ERMP1: variants seen among roughly 807,000 people sequenced by gnomAD.
ERMP1 encodes the protein Felix-ina.
In ERMP1, 86 loss-of-function variants were observed where a neutral mutation model predicts 92.0. The ratio of observed to expected loss-of-function variants is 0.93; its 90% CI spans 0.79 to 1.12. The LOEUF (loss-of-function observed/expected upper bound fraction) is 1.12. Ranked by LOEUF, ERMP1 falls within the 50% of genes most tolerant of loss-of-function variation. ERMP1 has a pLI of 0.00. For missense variants in ERMP1, 1,342 were observed against 1,116.3 expected (o/e 1.20, Z -2.88); for synonymous variants, 530 against 412.8 (o/e 1.28, Z -3.44).
Position 5,832,894 on chromosome 9 carries a change from C to T in ERMP1, c.134G>A (p.Gly45Asp). The change falls in exon 1 of 15, where the codon GGC becomes GAC. Residue 45 changes from glycine (G) to aspartate (D), a missense_variant. Physicochemically the swap from Gly to Asp is moderately conservative, Grantham distance 94 (BLOSUM62 -1). Coordinates refer to ENST00000339450, the MANE Select transcript of ERMP1 (RefSeq NM_024896.3). ...GCTCCTCTTCCGCGTCCTCCCGCCG[C>T]CGCTGCACCCATCCACCAGAGGCTC... ...AQEPLVDGCSGGGRTRKRSPG... is the reference protein window; with the variant it reads ...AQEPLVDGCSDGGRTRKRSPG... The T allele has an allele frequency of 1.9e-6, 3 of 1,552,636 alleles. No individual in the cohort carries two copies. The highest frequency in any genetic ancestry group is 1.4e-5 in the African/African-American group (1 of 70,662).
At chr9:5,822,417 T>C (rs1829575455) in intron 4 of ERMP1, among the ~76,000 whole-genome samples, 1 of 152,188 alleles carries the variant, frequency 6.6e-6, no homozygotes, top group African/African-American at 2.4e-5. Flanking sequence ...CATCATGACC[T>C]TGAGAATCTC....
chr9:5,838,710 G>C (rs1455502540), intron 6 of ERMP1, among the ~76,000 whole-genome samples: 2 of 151,892 alleles, frequency 1.3e-5, no homozygotes, highest in African/African-American at 4.8e-5. Context: ...AGTACATTCA[G>C]AGTTTGGAAC....
At chr9:5,817,033 G>A (rs911114049) in intron 4 of ERMP1, among the ~76,000 whole-genome samples, 6 of 151,682 alleles carry the variant, frequency 4.0e-5, no homozygotes, top group Non-Finnish European at 5.9e-5. Context: ...CAAGTAGCTG[G>A]GACTACAGGC....
chr9:5,861,080 G>GGACT (rs926022098), intron 5 of ERMP1, among the ~76,000 whole-genome samples: 1 of 151,740 alleles, frequency 6.6e-6, no homozygotes, highest in Non-Finnish European at 1.5e-5. Flanking sequence ...CACACAAAAT[G>GGACT]GACTGAGACA....
At chr9:5,855,701 T>C (rs1018991135) in intron 6 of ERMP1, 1 of 154,176 alleles carries the variant, frequency 6.5e-6, no homozygotes, top group Non-Finnish European at 1.5e-5. Flanking sequence ...AGAAAGATGC[T>C]GCAAGCTATC....
chr9:5,861,299 C>T (rs1219802040), intron 5 of ERMP1, among the ~76,000 whole-genome samples: 1 of 151,206 alleles, frequency 6.6e-6, no homozygotes, highest in African/African-American at 2.4e-5. Context: ...AGGATGTCAT[C>T]ATTGGCCTTA....
In ERMP1 at chr9:5,812,131, T is replaced by G; in HGVS notation, c.1108A>C (p.Arg370=). The change falls in exon 6 of 15, where the codon AGA becomes CGA. Residue 370 remains arginine (R), a synonymous_variant. Coordinates refer to ENST00000339450, the MANE Select transcript of ERMP1 (RefSeq NM_024896.3). ...TCTAAATTGGAATACCAACCTGCTC[T>G]CTGAATGGAATCTGTTAGAATTCTG... is the stretch of plus-strand genomic sequence containing the variant. ...ADRILTDSIQ[R]AGDNILAVLK... is the part of the protein sequence containing the mutation. 6.3e-7 allele frequency: 1 copy of G among 1,598,610 alleles called. No individual in the cohort carries two copies. Among genetic ancestry groups the G allele is most frequent in the Non-Finnish European group, 8.5e-7 (1 of 1,170,496 alleles).
chr9:5,828,863 T>G (rs1829825571), intron 2 of ERMP1, among the ~76,000 whole-genome samples: 1 of 152,176 alleles, frequency 6.6e-6, no homozygotes, highest in Non-Finnish European at 1.5e-5. Flanking sequence ...TAAGCAACCA[T>G]GGTGTTTATT....
intron 6 of ERMP1, among the ~76,000 whole-genome samples, chr9:5,846,487 T>G (rs1006094620): frequency 6.6e-6 from 1 of 152,226 alleles, no homozygotes; most frequent in Admixed American, 6.5e-5. Flanking sequence ...GATATAAGTA[T>G]GGGGAAGCTG....
intron 8 of ERMP1, among the ~76,000 whole-genome samples, chr9:5,806,707 TG>T (rs1422053267): frequency 6.6e-6 from 1 of 152,148 alleles, no homozygotes; most frequent in East Asian, 1.9e-4. Flanking sequence ...CCCAAAGCAC[TG>T]GGATTACAGG....
At chr9:5,857,855 G>C (rs913731094) in intron 6 of ERMP1, among the ~76,000 whole-genome samples, 2 of 152,178 alleles carry the variant, frequency 1.3e-5, no homozygotes, top group Admixed American at 6.6e-5. Flanking sequence ...TGTTCTGTGA[G>C]GTGTCTAGTA....
chr9:5,788,352 G>A (rs969729637), intron 13 of ERMP1, among the ~76,000 whole-genome samples: 3 of 152,120 alleles, frequency 2.0e-5, no homozygotes, highest in Non-Finnish European at 2.9e-5. Flanking sequence ...GGTTTACAGG[G>A]CAGGGACTTA....
chr9:5,855,576 G>A (rs951748514), intron 6 of ERMP1, among the ~76,000 whole-genome samples: 1 of 152,246 alleles, frequency 6.6e-6, no homozygotes, highest in Non-Finnish European at 1.5e-5. Flanking sequence ...TCTTGTGGAG[G>A]TATTGAGACA....
At chr9:5,844,459 G>A (rs993723483) in intron 6 of ERMP1, among the ~76,000 whole-genome samples, 24 of 152,108 alleles carry the variant, frequency 1.6e-4, no homozygotes, top group African/African-American at 5.1e-4. Context: ...ATTTTTAGTA[G>A]AGATGGTGTT....
At chr9:5,802,071 T>G (rs1017033815) in intron 10 of ERMP1, among the ~76,000 whole-genome samples, 1 of 152,240 alleles carries the variant, frequency 6.6e-6, no homozygotes, top group Non-Finnish European at 1.5e-5. Flanking sequence ...GGGAAACTTT[T>G]ATGTGAAATC....
At chr9:5,812,657 G>A (rs939461476) in intron 5 of ERMP1, 33 of 563,030 alleles carry the variant, frequency 5.9e-5, no homozygotes, top group Non-Finnish European at 1.0e-4. Context: ...GTGCTAAACA[G>A]TTCACCCCTG....
In ERMP1 at chr9:5,787,175, C is replaced by G; in HGVS notation, c.2684G>C (p.Trp895Ser). 2 of 1,613,976 alleles carry G rather than the reference C, an allele frequency of 1.2e-6. No individual in the cohort carries two copies. Among genetic ancestry groups the G allele is most frequent in the South Asian group, 1.1e-5 (1 of 91,056 alleles). ...TACAAAGAGATCGTAGGTGCACACC[C>G]AGGCAGAGGGAAATGTCCAATCTGG... ...KFPDWTFPSA[W>S]VCTYDLFVF The change falls in exon 15 of 15, where the codon TGG (tryptophan) becomes TCG (serine). Residue 895 changes from tryptophan to serine, a missense_variant. Coordinates refer to ENST00000339450, the MANE Select transcript of ERMP1 (RefSeq NM_024896.3).
chr9:5,832,741 A>G lies in ERMP1; in HGVS notation c.287T>C (p.Val96Ala), dbSNP rs1240814042. The change falls in exon 1 of 15, where the codon GTG becomes GCG. Residue 96 changes from valine to alanine, a missense_variant. By Grantham distance (64) the Val-to-Ala change is moderately conservative. Transcript: ENST00000339450. ...GCGGTGTCCAGCGGCCCCGCGTAGC[A>G]CGAGCTGCTGCAGCGAGAGCTGCAC... ...TLVQLSLQQL[V>A]LRGAAGHRGE... 1 of 1,496,970 alleles carries G rather than the reference A, an allele frequency of 6.7e-7. No homozygotes were observed. The highest frequency in any genetic ancestry group is 1.3e-5 in the South Asian group (1 of 79,872). The allele number at this position is 1,496,970 out of a possible 1,614,324, so 92.7% of individuals were successfully genotyped here.
At chr9:5,822,775 G>A (rs1291486293) in intron 4 of ERMP1, among the ~76,000 whole-genome samples, 1 of 152,108 alleles carries the variant, frequency 6.6e-6, no homozygotes, top group Non-Finnish European at 1.5e-5. Flanking sequence ...AAAAATCTAT[G>A]AGCTCTGAAT....
Sources: allele counts gnomAD v4.1 joint callset (sites outside exome capture counted in the v4.1 genomes callset), GRCh38; gene constraint gnomAD v4.1.1; transcripts MANE v1.5; gene names NCBI Gene and HGNC (gene_info 2026-07-23, HGNC 2026-07-21).